ZC3H12A: variants seen among roughly 807,000 people sequenced by gnomAD.
The protein encoded by ZC3H12A is zinc finger CCCH-type containing 12A, also known as endoribonuclease ZC3H12A.
In ZC3H12A, 9 loss-of-function variants were observed where a neutral mutation model predicts 29.9. That is an observed-to-expected ratio of 0.30 (90% confidence interval 0.18 to 0.53). ZC3H12A has a LOEUF of 0.53. Ranked by LOEUF, ZC3H12A falls within the 20% of genes least tolerant of loss-of-function variation. The pLI is 0.96. For synonymous variants in ZC3H12A, 323 were observed against 338.1 expected, an observed-to-expected ratio of 0.96 and a Z score of 0.49; for missense variants, 617 against 799.0, an observed-to-expected ratio of 0.77 and a Z score of 2.75.
chr1:37,481,506 A>T, intron 3 of ZC3H12A, 95 bp from the exon 4 acceptor site: 1 of 1,246,720 alleles, frequency 8.0e-7, no homozygotes, highest in Non-Finnish European at 1.2e-6. Context: ...GGCGTTAACC[A>T]CTCCTGTGTG....
chr1:37,481,583 G>A lies in ZC3H12A; in HGVS notation c.584-18G>A, dbSNP rs1641706306. On this transcript the variant is annotated intron_variant, in intron 3 of 5. Coordinates refer to ENST00000373087, the MANE Select transcript of ZC3H12A (RefSeq NM_025079.3). ...GGTCCCGCTGGGCCCTGACCTGTGT[G>A]CACCCGTCACCTCCCAGACCAGCAC... The A allele has an allele frequency of 1.2e-6, 2 of 1,613,074 alleles. No homozygotes were observed. The highest frequency in any genetic ancestry group is 1.7e-6 in the Non-Finnish European group (2 of 1,179,078).
At position 37,483,544 on chromosome 1, in the gene ZC3H12A, A is replaced by G; in HGVS notation, c.1733A>G (p.Gln578Arg). ...LVEAVMGRFP[Q>R]LLDPQQLAAE... ...GAGGCTGTGATGGGGCGCTTCCCAC[A>G]GCTCCTGGACCCCCAGCAGCTGGCT... The change falls in exon 6 of 6, where the codon CAG (glutamine) becomes CGG (arginine). Residue 578 changes from glutamine (Q) to arginine (R), a missense_variant. Transcript: ENST00000373087. The G allele has an allele frequency of 1.2e-6, 2 of 1,613,532 alleles. No individual in the cohort carries two copies. Among genetic ancestry groups the G allele is most frequent in the South Asian group, 1.1e-5 (1 of 91,056 alleles).
Position 37,483,950 on chromosome 1 carries a change from G to A in ZC3H12A, c.*339G>A, listed in dbSNP as rs1641773432. ...CTCAGAGGGTGGGGAGGGAGGTGGG[G>A]GCAGCAGAGGCCTGGGCTGGGTGCC... On this transcript the variant is annotated 3_prime_UTR_variant, in exon 6 of 6. Transcript: ENST00000373087. 7.7e-6 allele frequency: 2 copies of A among 259,502 alleles called. No homozygotes were observed. The highest frequency in any genetic ancestry group is 6.8e-5 in the South Asian group (1 of 14,634). 16.1% of individuals were successfully genotyped at this position (259,502 alleles called of 1,614,324 possible). A position where few individuals can be genotyped will look rare whatever the true frequency, so the allele number is the denominator to read the frequency against.
intron 2 of ZC3H12A, 149 bp from the exon 3 acceptor site, chr1:37,480,141 G>GCTGGTGACTCCAAAGGGGAAGGGA (rs1641673146): frequency 1.4e-6 from 2 of 1,385,430 alleles, no homozygotes; most frequent in African/African-American, 2.9e-5. Context: ...AGGGGAAGGG[G>GCTGGTGACTCCAAAGGGGAAGGGA]CTGGTGACTC....
rs1439836744 is a variant in ZC3H12A, at chr1:37,474,612, C to G, written c.-56C>G. ...GGCCCCATGGAGACGCCGCCGGCCG[C>G]CGCTGGCGCATGGCGGGGTGAGGCG... On this transcript the variant is annotated 5_prime_UTR_variant, in exon 1 of 6. Transcript: ENST00000373087. The G allele has an allele frequency of 1.3e-5, 2 of 152,068 alleles. No individual in the cohort carries two copies. The highest frequency in any genetic ancestry group is 2.9e-5 in the Non-Finnish European group (2 of 68,058). The allele number at this position is 152,068 out of a possible 1,614,324, so 9.4% of individuals were successfully genotyped here. A position where few individuals can be genotyped will look rare whatever the true frequency, so the allele number is the denominator to read the frequency against.
At position 37,479,111 on chromosome 1, in the gene ZC3H12A, A is replaced by G; in HGVS notation, c.444-1179A>G. 6 of 985,120 alleles carry G rather than the reference A, an allele frequency of 6.1e-6. No homozygotes were observed. Among genetic ancestry groups the G allele is most frequent in the Non-Finnish European group, 7.2e-6 (6 of 829,886 alleles). The allele number at this position is 985,120 out of a possible 1,614,324, so 61.0% of individuals were successfully genotyped here. ...CCTGGACTTGCCTCTTTTGCGTAACATTTATTCTGTTTTATTTGCCAAATA... is the reference window on the plus strand; with the variant it reads ...CCTGGACTTGCCTCTTTTGCGTAACGTTTATTCTGTTTTATTTGCCAAATA... On this transcript the variant is annotated intron_variant, in intron 2 of 5. Coordinates refer to ENST00000373087, the MANE Select transcript of ZC3H12A (RefSeq NM_025079.3). This position sits in a 1 kb window ranked among gnomAD's most constrained non-coding sequence, Gnocchi z 4.5.
chr1:37,483,179 A>C lies in ZC3H12A; in HGVS notation c.1368A>C (p.Gly456=), dbSNP rs12405514. The C allele has an allele frequency of 3.3e-3, 5,357 of 1,613,348 alleles. 283 individuals are homozygous for C. The Admixed American group carries it at 0.084, about 25-fold the overall frequency. Residue 456 remains glycine (G), a synonymous_variant, in exon 6 of 6, where the codon GGA becomes GGC. Transcript: ENST00000373087. ...QMSELWGVRG[G]GPGEPGPPRA... ...CGGAACTTTGGGGGGTTCGAGGAGG[A>C]GGCCCTGGTGAGCCGGGCCCACCCC...
rs541142880 is a variant in ZC3H12A, at chr1:37,482,976, T to A, written c.1165T>A (p.Ser389Thr). 9.8e-5 allele frequency: 158 copies of A among 1,611,672 alleles called. 2 individuals are homozygous for A. Among genetic ancestry groups the A allele is most frequent in the Middle Eastern group, 8.3e-4 (5 of 6,056 alleles). ...GCTGGGGGCCCAGGCATCCCCAGGG[T>A]CCCGCCAAGAGGGTCTAACACAGAC... Reference protein sequence around the residue: ...KKLGAQASPGSRQEGLTQTYA... With the variant: ...KKLGAQASPGTRQEGLTQTYA... The change falls in exon 6 of 6, where the codon TCC becomes ACC. Residue 389 changes from serine (S) to threonine (T), a missense_variant. Transcript: ENST00000373087.
intron 3 of ZC3H12A, among the ~76,000 whole-genome samples, chr1:37,481,282 G>C (rs951561406): frequency 4.6e-5 from 7 of 152,248 alleles, no homozygotes; most frequent in African/African-American, 1.7e-4. Context: ...CTGGATGAAA[G>C]CCAAAGCCAA....
rs560623946 is a variant in ZC3H12A, at chr1:37,480,712, G to A, written c.583+283G>A. Among the ~76,000 whole-genome samples, 25 of 152,308 alleles carry A rather than the reference G, an allele frequency of 1.6e-4. No individual in the cohort carries two copies. The South Asian group carries it at 4.3e-3, about 26-fold the overall frequency. ...TGGCAGAAGCGCAGTATCACATAGT[G>A]GTTAAGCCTGTGGGCTCTGAGTCGA... On this transcript the variant is annotated intron_variant, in intron 3 of 5. Transcript: ENST00000373087.
chr1:37,482,422 C>T lies in ZC3H12A; in HGVS notation c.819-12C>T. On this transcript the variant is annotated splice_polypyrimidine_tract_variant and intron_variant, in intron 4 of 5. Transcript: ENST00000373087. ...GCTCCCACCTCCAGAGAGTTCTTTG[C>T]ACCCTCTGCAGGTTTATGCCCCCTG... The T allele has an allele frequency of 6.2e-7, 1 of 1,603,528 alleles. No individual in the cohort carries two copies. The highest frequency in any genetic ancestry group is 8.5e-7 in the Non-Finnish European group (1 of 1,171,996).
rs1459526518 is a variant in ZC3H12A at position 37,483,033 on chromosome 1, AGCGGGG to A, written c.1225_1230del (p.Gly409_Gly410del). The stretch of plus-strand genomic sequence containing the variant: ...CCCATCAGGCAGGAGCCTCGCACCT[AGCGGGG>A]GCAGTGGCAGCAGCTTTGGGCCCAC... On this transcript the variant is annotated inframe_deletion, in exon 6 of 6. Coordinates refer to ENST00000373087, the MANE Select transcript of ZC3H12A (RefSeq NM_025079.3). 3.7e-6 allele frequency: 6 copies of A among 1,607,112 alleles called. No homozygotes were observed. The African/African-American group carries it at 8.0e-5, about 21-fold the overall frequency.
At position 37,480,429 on chromosome 1, in the gene ZC3H12A, G is replaced by C; in HGVS notation, c.583G>C (p.Asp195His). 1.9e-6 allele frequency: 3 copies of C among 1,611,278 alleles called. No homozygotes were observed. Among genetic ancestry groups the C allele is most frequent in the South Asian group, 2.2e-5 (2 of 90,774 alleles). The change falls in exon 3 of 6, where the codon GAC becomes CAC. Residue 195 changes from aspartate to histidine, a missense_variant and splice_region_variant. Transcript: ENST00000373087. Reference protein sequence around the residue: ...EQPRPDVPITDQHILRELEKK... With the variant: ...EQPRPDVPITHQHILRELEKK... Reference sequence around the variant, plus strand: ...GCCTCGGCCCGACGTGCCCATCACAGGTGAGTGGTGCCTCTGGAGGTGGGA... The same window carrying C: ...GCCTCGGCCCGACGTGCCCATCACACGTGAGTGGTGCCTCTGGAGGTGGGA...
In ZC3H12A at chr1:37,475,804, G is replaced by A. The variant is rs915070180; in HGVS notation, c.308G>A (p.Cys103Tyr). 6.2e-7 allele frequency: 1 copy of A among 1,611,934 alleles called. No homozygotes were observed. Among genetic ancestry groups the A allele is most frequent in the Admixed American group, 1.7e-5 (1 of 59,962 alleles). Reference sequence around the variant, plus strand: ...GAGCGCCAGACCTCACCGGACCCCTGCCCTCAGCTCCCTCTAGTCCCGCGG... The same window carrying A: ...GAGCGCCAGACCTCACCGGACCCCTACCCTCAGCTCCCTCTAGTCCCGCGG... ...ERERQTSPDPCPQLPLVPRGG... is the reference protein window; with the variant it reads ...ERERQTSPDPYPQLPLVPRGG... Residue 103 changes from cysteine (C) to tyrosine (Y), a missense_variant, in exon 2 of 6, where the codon TGC (cysteine) becomes TAC (tyrosine). By Grantham distance (194) the Cys-to-Tyr change is radical. Coordinates refer to ENST00000373087, the MANE Select transcript of ZC3H12A (RefSeq NM_025079.3). This position sits in a 1 kb window ranked among gnomAD's most constrained non-coding sequence, Gnocchi z 5.2.
rs1641558335 is a variant in ZC3H12A at position 37,475,222 on chromosome 1, G to C, written c.-38-237G>C. On this transcript the variant is annotated intron_variant, in intron 1 of 5. Transcript: ENST00000373087. This position sits in a 1 kb window ranked among gnomAD's most constrained non-coding sequence, Gnocchi z 5.2. ...GTTCAGACTAAGTTCCGATCTTCGA[G>C]CCACCAGCTAACAGCTGGATGACCT... Among the ~76,000 whole-genome samples, 1 of 152,238 alleles carries C rather than the reference G, an allele frequency of 6.6e-6. No homozygotes were observed. Among genetic ancestry groups the C allele is most frequent in the Admixed American group, 6.5e-5 (1 of 15,288 alleles).
chr1:37,482,359 C>A, intron 4 of ZC3H12A, 75 bp from the exon 5 acceptor site: 1 of 1,300,256 alleles, frequency 7.7e-7, no homozygotes, highest in Non-Finnish European at 1.1e-6. Context: ...GCAAGGCTTG[C>A]CATCGGCCCC....
rs1365561603 is a variant in ZC3H12A at position 37,475,814 on chromosome 1, C to T, written c.318C>T (p.Leu106=). The change falls in exon 2 of 6, where the codon CTC becomes CTT. Residue 106 remains leucine (L), a synonymous_variant. Coordinates refer to ENST00000373087, the MANE Select transcript of ZC3H12A (RefSeq NM_025079.3). The surrounding 1 kb of genome is among the most constrained non-coding windows in gnomAD (Gnocchi z 5.2). ...RQTSPDPCPQ[L]PLVPRGGGTP... is the part of the protein sequence containing the mutation. ...CCTCACCGGACCCCTGCCCTCAGCT[C>T]CCTCTAGTCCCGCGGGGTGGTGGCA... 1 of 1,608,080 alleles carries T rather than the reference C, an allele frequency of 6.2e-7. No individual in the cohort carries two copies. Among genetic ancestry groups the T allele is most frequent in the East Asian group, 2.2e-5 (1 of 44,726 alleles).
At position 37,483,979 on chromosome 1, in the gene ZC3H12A, TGC is replaced by T; in HGVS notation, c.*369_*370del. 4.7e-6 allele frequency: 1 copy of T among 210,994 alleles called. No individual in the cohort carries two copies. The highest frequency in any genetic ancestry group is 1.1e-4 in the East Asian group (1 of 8,866). 13.1% of individuals were successfully genotyped at this position (210,994 alleles called of 1,614,324 possible). A position where few individuals can be genotyped will look rare whatever the true frequency, so the allele number is the denominator to read the frequency against. ...GCAGAGGCCTGGGCTGGGTGCCCTG[TGC>T]ACGCCACCCCACTTCCGCCCTACCC... On this transcript the variant is annotated 3_prime_UTR_variant, in exon 6 of 6. Coordinates refer to ENST00000373087, the MANE Select transcript of ZC3H12A (RefSeq NM_025079.3).
chr1:37,479,987 C>A lies in ZC3H12A; in HGVS notation c.444-303C>A, dbSNP rs377670064. On this transcript the variant is annotated intron_variant, in intron 2 of 5. Coordinates refer to ENST00000373087, the MANE Select transcript of ZC3H12A (RefSeq NM_025079.3). This position sits in a 1 kb window ranked among gnomAD's most constrained non-coding sequence, Gnocchi z 4.5. ...GGAGCAGTGCTGCCAGCTTCCTGGG[C>A]GCTTCCTCACTTTCAGGAGATGGAG... 1 of 1,118,888 alleles carries A rather than the reference C, an allele frequency of 8.9e-7. No homozygotes were observed. Among genetic ancestry groups the A allele is most frequent in the African/African-American group, 1.6e-5 (1 of 62,424 alleles). The allele number at this position is 1,118,888 out of a possible 1,614,324, so 69.3% of individuals were successfully genotyped here. A position where few individuals can be genotyped will look rare whatever the true frequency, so the allele number is the denominator to read the frequency against.
Sources: gnomAD v4.1 joint callset for allele counts (sites outside exome capture counted in the v4.1 genomes callset) on GRCh38, gnomAD v4.1.1 for gene constraint, Gnocchi (gnomAD v3.1) non-coding constraint, MANE v1.5 for transcripts, NCBI Gene and HGNC (gene_info 2026-07-23, HGNC 2026-07-21) for gene names.